The following AMMECR1 variants were observed in gnomAD, a reference collection of about 807,000 sequenced individuals.
AMMECR1 encodes nuclear protein AMMECR1.
AMMECR1 carries 3 observed loss-of-function variants against 22.5 expected under a neutral mutation model. That is an observed-to-expected ratio of 0.13 (90% CI 0.06 to 0.35). The LOEUF (loss-of-function observed/expected upper bound fraction) is 0.35. Among genes scored for constraint, AMMECR1 ranks in the 10% least tolerant of loss-of-function variants. The pLI is 1.00. For synonymous variants in AMMECR1, 130 were observed against 116.7 expected (o/e 1.11, Z -0.74); for missense variants, 235 against 278.7 (o/e 0.84, Z 1.12).
chrX:110,207,399 AAG>A (rs1271623851), intron 3 of AMMECR1, among the ~76,000 whole-genome samples: 2 of 111,602 alleles, frequency 1.8e-5, no homozygotes, highest in Non-Finnish European at 3.8e-5. Flanking sequence ...TTCAACATAA[AAG>A]AGAAAAATAC....
At chrX:110,406,854 T>C (rs2068606070) in intron 2 of AMMECR1, among the ~76,000 whole-genome samples, 1 of 112,174 alleles carries the variant, frequency 8.9e-6, no homozygotes, top group Admixed American at 9.5e-5. Flanking sequence ...GGATGTTTCA[T>C]GCAATAGTTT....
chrX:110,371,864 A>G (rs943219724), intron 2 of AMMECR1, among the ~76,000 whole-genome samples: 4 of 110,976 alleles, frequency 3.6e-5, no homozygotes, highest in Non-Finnish European at 3.8e-5. Context: ...GTGCTTCACC[A>G]TCCTTTTTGC....
intron 2 of AMMECR1, among the ~76,000 whole-genome samples, chrX:110,391,338 T>C (rs938031526): frequency 2.7e-5 from 3 of 111,976 alleles, no homozygotes; most frequent in Non-Finnish European, 3.8e-5. Flanking sequence ...ATCATTGTTT[T>C]CCCAACCATC....
chrX:110,265,880 T>C (rs2067766145), intron 1 of AMMECR1, among the ~76,000 whole-genome samples: 1 of 111,662 alleles, frequency 9.0e-6, no homozygotes, highest in Admixed American at 9.5e-5. Flanking sequence ...TCCTTAAACA[T>C]TTAAATTATG....
chrX:110,302,698 C>T (rs1254382271), intron 1 of AMMECR1, among the ~76,000 whole-genome samples: 1 of 110,431 alleles, frequency 9.1e-6, no homozygotes, highest in Non-Finnish European at 1.9e-5. Context: ...CATGGTGAAA[C>T]CCCATCTCTA....
chrX:110,260,577 AACTT>A (rs998037742), intron 2 of AMMECR1, among the ~76,000 whole-genome samples: 6 of 111,519 alleles, frequency 5.4e-5, no homozygotes, highest in African/African-American at 1.9e-4. Flanking sequence ...TATAAATAAA[AACTT>A]AATTCAGGAT....
intron 2 of AMMECR1, among the ~76,000 whole-genome samples, chrX:110,337,813 C>A (rs2068146860): frequency 8.9e-6 from 1 of 112,157 alleles, no homozygotes; most frequent in Admixed American, 9.5e-5. Flanking sequence ...GGAAGCAACT[C>A]AAGTGTCTAT....
intron 2 of AMMECR1, among the ~76,000 whole-genome samples, chrX:110,342,746 T>C (rs1199923632): frequency 8.9e-6 from 1 of 112,089 alleles, no homozygotes; most frequent in African/African-American, 3.2e-5. Context: ...GGCCTTAATA[T>C]ACTACTTAAT....
chrX:110,250,954 T>C (rs1197704743), intron 2 of AMMECR1, among the ~76,000 whole-genome samples: 1 of 112,336 alleles, frequency 8.9e-6, no homozygotes, highest in East Asian at 2.8e-4. Flanking sequence ...TAAAGATCCC[T>C]GTCCTCTGGC....
At chrX:110,362,540 T>C (rs1361156863) in intron 2 of AMMECR1, among the ~76,000 whole-genome samples, 2 of 112,550 alleles carry the variant, frequency 1.8e-5, no homozygotes, top group Non-Finnish European at 3.8e-5. Flanking sequence ...TCCCAGAAGC[T>C]GGGCGACTGT....
chrX:110,389,614 GT>G (rs1003890567), intron 2 of AMMECR1, among the ~76,000 whole-genome samples: 25 of 106,406 alleles, frequency 2.3e-4, no homozygotes, highest in East Asian at 1.4e-3. Context: ...CAATCTTTTT[GT>G]TTTTTTTTTC....
At chrX:110,367,817 T>A (rs1210372517) in intron 2 of AMMECR1, among the ~76,000 whole-genome samples, 1 of 109,629 alleles carries the variant, frequency 9.1e-6, no homozygotes, top group Non-Finnish European at 1.9e-5. Context: ...GTTAAAAATT[T>A]ATTTGTTTAG....
chrX:110,227,925 AG>A (rs1196436512), intron 2 of AMMECR1, among the ~76,000 whole-genome samples: 1 of 112,158 alleles, frequency 8.9e-6, no homozygotes, highest in Non-Finnish European at 1.9e-5. Context: ...GACAAGCACA[AG>A]GGGGATCAGG....
At chrX:110,287,893 T>C (rs2067888736) in intron 1 of AMMECR1, among the ~76,000 whole-genome samples, 1 of 112,084 alleles carries the variant, frequency 8.9e-6, no homozygotes, top group South Asian at 3.8e-4. Flanking sequence ...GAAACCATTA[T>C]TAAGCACCTT....
chrX:110,425,674 G>A (rs748528884), intron 2 of AMMECR1, among the ~76,000 whole-genome samples: 7 of 112,079 alleles, frequency 6.2e-5, no homozygotes, highest in Non-Finnish European at 9.4e-5. Flanking sequence ...TCCTCACACA[G>A]CCCTACAGGA....
At chrX:110,228,912 T>A (rs2067547753) in intron 2 of AMMECR1, among the ~76,000 whole-genome samples, 1 of 112,467 alleles carries the variant, frequency 8.9e-6, no homozygotes, top group African/African-American at 3.2e-5. Context: ...TATACATTTT[T>A]AAAATAGAGT....
intron 2 of AMMECR1, among the ~76,000 whole-genome samples, chrX:110,226,464 G>A (rs1457558438): frequency 1.8e-5 from 2 of 111,194 alleles, no homozygotes; most frequent in South Asian, 3.8e-4. Context: ...AAAATTAGCC[G>A]GGCATGGTGG....
chrX:110,259,227 A>C (rs1358780702), intron 2 of AMMECR1, among the ~76,000 whole-genome samples: 2 of 111,668 alleles, frequency 1.8e-5, no homozygotes, highest in Non-Finnish European at 3.8e-5. Flanking sequence ...ACTCCAAAAC[A>C]AAACACAGCA....
intron 1 of AMMECR1, among the ~76,000 whole-genome samples, chrX:110,311,976 A>C (rs2068025390): frequency 8.9e-6 from 1 of 112,170 alleles, no homozygotes; most frequent in South Asian, 3.7e-4. Context: ...AGCTTAATTG[A>C]TTCAGAACAG....
Sources: allele counts gnomAD v4.1 joint callset (sites outside exome capture counted in the v4.1 genomes callset), GRCh38; gene constraint gnomAD v4.1.1; transcripts MANE v1.5; gene names NCBI Gene and HGNC (gene_info 2026-07-23, HGNC 2026-07-21).